Variants in BECN1 observed in about 807,000 individuals in gnomAD.
The protein encoded by BECN1 is beclin-1.
A neutral mutation model predicts 60.1 loss-of-function variants in BECN1; 15 were observed. That is an observed-to-expected ratio of 0.25 (90% CI 0.17 to 0.38). The LOEUF is 0.38. Ranked by LOEUF, BECN1 falls within the 10% of genes least tolerant of loss-of-function variation. The pLI is 1.00. For synonymous variants in BECN1, 179 were observed against 201.8 expected (o/e 0.89, Z 0.96); for missense variants, 424 against 548.2 (o/e 0.77, Z 2.26).
At chr17:42,812,018 A>G in intron 10 of BECN1, 1 of 513,554 alleles carries the variant, frequency 1.9e-6, no homozygotes, top group Non-Finnish European at 3.3e-6. Context: ...AATGTACCAT[A>G]GGTTGAGCAT....
intron 7 of BECN1, among the ~76,000 whole-genome samples, chr17:42,817,166 G>A (rs746832973): frequency 2.6e-4 from 39 of 149,254 alleles, no homozygotes; most frequent in African/African-American, 7.2e-4. Context: ...ATGGTGTTGC[G>A]CGCCTGTAGT....
chr17:42,812,578 T>C (rs550981950), intron 10 of BECN1: 1 of 150,364 alleles, frequency 6.7e-6, no homozygotes, highest in South Asian at 2.1e-4. Context: ...CCAGGCATTG[T>C]GGTGGGCGCC....
In BECN1 at chr17:42,810,943, A is replaced by G. The variant is rs778710701; in HGVS notation, c.1185-15T>C. The G allele has an allele frequency of 1.5e-5, 23 of 1,570,156 alleles. No homozygotes were observed. The highest frequency in any genetic ancestry group is 2.0e-5 in the Non-Finnish European group (23 of 1,157,978). ...CCACATCCATCCTGCAGATGGACAG[A>G]GCAAAACTCATTAGTAACTGAGATC... On this transcript the variant is annotated splice_polypyrimidine_tract_variant and intron_variant, in intron 11 of 11. Coordinates refer to ENST00000590099, the MANE Select transcript of BECN1 (RefSeq NM_001313998.2).
chr17:42,811,696 T>C lies in BECN1; in HGVS notation c.1143A>G (p.Glu381=). 1 of 1,614,174 alleles carries C rather than the reference T, an allele frequency of 6.2e-7. No homozygotes were observed. Among genetic ancestry groups the C allele is most frequent in the East Asian group, 2.2e-5 (1 of 44,890 alleles). Residue 381 remains glutamate (E), a synonymous_variant, in exon 11 of 12, where the codon GAA becomes GAG. Coordinates refer to ENST00000590099, the MANE Select transcript of BECN1 (RefSeq NM_001313998.2). ...AFLDCVQQFK[E]EVEKGETRFC... Reference sequence around the variant, plus strand: ...AACGTGTCTCGCCTTTCTCAACCTCTTCTTTGAACTGCTGCACACAGTCCA... The same window carrying C: ...AACGTGTCTCGCCTTTCTCAACCTCCTCTTTGAACTGCTGCACACAGTCCA...
intron 4 of BECN1, 174 bp from the exon 5 acceptor site, chr17:42,819,051 C>CA: frequency 1.5e-6 from 1 of 656,604 alleles, no homozygotes; most frequent in Non-Finnish European, 2.6e-6. Flanking sequence ...GAAGGCCATG[C>CA]TGGTCTTCCA....
In BECN1 at chr17:42,818,865, T is replaced by G. The variant is rs753868293; in HGVS notation, c.273A>C (p.Thr91=). The change falls in exon 5 of 12, where the codon ACA becomes ACC. Residue 91 remains threonine, a synonymous_variant. Transcript: ENST00000590099. ...RFIPPARMMS[T]ESANSFTLIG... ...TCAGAGTGAAGCTGTTGGCACTTTCTGTGGACATCATCCTGCAGACAGCCC... is the reference window on the plus strand; with the variant it reads ...TCAGAGTGAAGCTGTTGGCACTTTCGGTGGACATCATCCTGCAGACAGCCC... The G allele has an allele frequency of 3.1e-6, 5 of 1,614,170 alleles. No homozygotes were observed. The highest frequency in any genetic ancestry group is 4.2e-6 in the Non-Finnish European group (5 of 1,180,018).
At chr17:42,814,837 T>C in intron 8 of BECN1, 164 bp from the exon 9 acceptor site, 1 of 868,266 alleles carries the variant, frequency 1.2e-6, no homozygotes, top group Non-Finnish European at 1.7e-6. Context: ...TCATCATCTT[T>C]TTCCCTGCTG....
At chr17:42,811,532 G>A in intron 11 of BECN1, 123 bp downstream of exon 11, 2 of 1,290,538 alleles carry the variant, frequency 1.5e-6, no homozygotes, top group South Asian at 1.4e-5. Flanking sequence ...TCAATGTCAT[G>A]TGATTCTGTG....
In BECN1 at chr17:42,810,920, A is replaced by G; in HGVS notation, c.1193T>C (p.Val398Ala). The G allele has an allele frequency of 1.2e-6, 2 of 1,608,424 alleles. No individual in the cohort carries two copies. Among genetic ancestry groups the G allele is most frequent in the Non-Finnish European group, 1.7e-6 (2 of 1,177,636 alleles). Residue 398 changes from valine to alanine, a missense_variant, in exon 12 of 12, where the codon GTG (valine) becomes GCG (alanine). Physicochemically the swap from Val to Ala is moderately conservative, Grantham distance 64. Around this residue, in one of 3 missense-constraint regions of BECN1, gnomAD observed 326 missense variants for 406.2 expected, o/e 0.80. Transcript: ENST00000590099. ...TRFCLPYRMD[V>A]EKGKIEDTGG... ...TGTGTCTTCAATCTTGCCTTTCTCC[A>G]CATCCATCCTGCAGATGGACAGAGC...
chr17:42,818,692 G>T lies in BECN1; in HGVS notation c.352-12C>A. Reference sequence around the variant, plus strand: ...AGGTCCCCAGTGACCTGGAAGTGTGGGAGAGTCAGGGTAGGGCCTCCCCCA... The same window carrying T: ...AGGTCCCCAGTGACCTGGAAGTGTGTGAGAGTCAGGGTAGGGCCTCCCCCA... On this transcript the variant is annotated splice_polypyrimidine_tract_variant and intron_variant, in intron 5 of 11. Coordinates refer to ENST00000590099, the MANE Select transcript of BECN1 (RefSeq NM_001313998.2). 1 of 1,614,096 alleles carries T rather than the reference G, an allele frequency of 6.2e-7. No homozygotes were observed. Among genetic ancestry groups the T allele is most frequent in the South Asian group, 1.1e-5 (1 of 91,080 alleles).
intron 10 of BECN1, 88 bp downstream of exon 10, chr17:42,813,860 T>C (rs2055088972): frequency 1.0e-6 from 1 of 971,036 alleles, no homozygotes. Flanking sequence ...AAAAAATAAA[T>C]TGAATGCCAA....
intron 2 of BECN1, 98 bp downstream of exon 2, chr17:42,823,650 A>T (rs2055321107): frequency 6.9e-7 from 1 of 1,458,124 alleles, no homozygotes; most frequent in Middle Eastern, 1.8e-4. Flanking sequence ...TCACACGATG[A>T]GTTTGTGGCA....
intron 7 of BECN1, among the ~76,000 whole-genome samples, chr17:42,816,957 G>T (rs2055159746): frequency 6.6e-6 from 1 of 150,976 alleles, no homozygotes; most frequent in African/African-American, 2.4e-5. Flanking sequence ...GCAACAGAGT[G>T]AGACTCTGTC....
chr17:42,815,829 G>A, intron 8 of BECN1, 79 bp downstream of exon 8: 2 of 1,579,108 alleles, frequency 1.3e-6, no homozygotes, highest in East Asian at 2.2e-5. Context: ...TCTTTTGTGG[G>A]AAGTGGGCAC....
chr17:42,812,312 A>G (rs1404144166), intron 10 of BECN1: 1 of 149,388 alleles, frequency 6.7e-6, no homozygotes, highest in East Asian at 2.0e-4. Context: ...TGAACCCGGG[A>G]GGCGGAGGTT....
intron 2 of BECN1, among the ~76,000 whole-genome samples, chr17:42,821,415 T>C (rs2144203057): frequency 6.6e-6 from 1 of 152,326 alleles, no homozygotes; most frequent in Non-Finnish European, 1.5e-5. Flanking sequence ...ACAGTATTTA[T>C]GTTTGGGATT....
chr17:42,815,910 G>T lies in BECN1; in HGVS notation c.828C>A (p.Ile276=), dbSNP rs1216637498. Residue 276 remains isoleucine, a splice_region_variant and synonymous_variant, in exon 8 of 12, where the codon ATC becomes ATA. Transcript: ENST00000590099. The part of the protein sequence containing the change: ...KTNVFNATFH[I]WHSGQFGTIN... Reference sequence around the variant, plus strand: ...CCTCATCCCCTAGCTCTCATTACCAGATGTGGAAGGTTGCATTAAAGACGT... The same window carrying T: ...CCTCATCCCCTAGCTCTCATTACCATATGTGGAAGGTTGCATTAAAGACGT... The T allele has an allele frequency of 6.2e-7, 1 of 1,614,200 alleles. No homozygotes were observed. The highest frequency in any genetic ancestry group is 1.1e-5 in the South Asian group (1 of 91,088).
chr17:42,813,984 G>T lies in BECN1; in HGVS notation c.1005C>A (p.Asn335Lys). ...CTGTCAGAGACTCCAGATATGAATG[G>T]TTTCCGTAAGGAACAAGTCGGTATC... The part of the protein sequence containing the change: ...FQRYRLVPYG[N>K]HSYLESLTDK... Residue 335 changes from asparagine to lysine, a missense_variant, in exon 10 of 12, where the codon AAC (asparagine) becomes AAA (lysine). Asn to Lys is a moderately conservative substitution (Grantham distance 94). Transcript: ENST00000590099. 1 of 1,605,856 alleles carries T rather than the reference G, an allele frequency of 6.2e-7. No homozygotes were observed. Among genetic ancestry groups the T allele is most frequent in the South Asian group, 1.1e-5 (1 of 90,290 alleles).
intron 7 of BECN1, among the ~76,000 whole-genome samples, chr17:42,816,399 C>T (rs1489600133): frequency 6.6e-6 from 1 of 152,138 alleles, no homozygotes; most frequent in East Asian, 1.9e-4. Context: ...CACCTGTAAT[C>T]CCAGCACTTT....
Sources: gnomAD v4.1 joint callset for allele counts (sites outside exome capture counted in the v4.1 genomes callset) on GRCh38, gnomAD v4.1.1 for gene constraint, gnomAD v4.1.1 regional missense constraint, MANE v1.5 for transcripts, NCBI Gene and HGNC (gene_info 2026-07-23, HGNC 2026-07-21) for gene names.